PRMT3: variants seen among roughly 807,000 people sequenced by gnomAD.
PRMT3 encodes the protein protein arginine N-methyltransferase 3.
A neutral mutation model predicts 71.9 loss-of-function variants in PRMT3; 62 were observed. The ratio of observed to expected loss-of-function variants is 0.86; its 90% CI spans 0.70 to 1.07. The LOEUF is 1.07. PRMT3 is among the 50% of genes least tolerant of loss of function. PRMT3 has a pLI of 0.00. For synonymous variants in PRMT3, 213 were observed against 220.4 expected (o/e 0.97, Z 0.30); for missense variants, 663 against 643.0 (o/e 1.03, Z -0.34).
At chr11:20,410,584 G>A (rs1465766678) in intron 9 of PRMT3, among the ~76,000 whole-genome samples, 2 of 151,992 alleles carry the variant, frequency 1.3e-5, no homozygotes, top group Admixed American at 6.5e-5. Flanking sequence ...GATATTCACA[G>A]TAATTCTATC....
chr11:20,420,399 C>G (rs899308198), intron 9 of PRMT3, among the ~76,000 whole-genome samples: 27 of 152,098 alleles, frequency 1.8e-4, no homozygotes, highest in African/African-American at 6.3e-4. Context: ...ACAGGGGTCC[C>G]CAATCCCCAG....
chr11:20,494,281 A>G (rs751463630), intron 15 of PRMT3, 27 bp downstream of exon 15: 2 of 1,473,678 alleles, frequency 1.4e-6, no homozygotes, highest in Admixed American at 1.8e-5. Flanking sequence ...GGGGGGAAGT[A>G]TCTTATTCAT....
chr11:20,448,682 A>T (rs1190241633), intron 10 of PRMT3, among the ~76,000 whole-genome samples: 1 of 152,148 alleles, frequency 6.6e-6, no homozygotes, highest in African/African-American at 2.4e-5. Context: ...TTCATTTATC[A>T]CTAATGTATC....
At chr11:20,453,393 T>C (rs1258485075) in intron 11 of PRMT3, among the ~76,000 whole-genome samples, 2 of 150,714 alleles carry the variant, frequency 1.3e-5, no homozygotes, top group Non-Finnish European at 2.9e-5. Flanking sequence ...GACAGGAGAA[T>C]TGCTTGAACC....
rs1218892359 is a variant in PRMT3, at chr11:20,388,070, G to C, written c.80G>C (p.Ser27Thr). 6.2e-7 allele frequency: 1 copy of C among 1,613,972 alleles called. No homozygotes were observed. The highest frequency in any genetic ancestry group is 1.3e-5 in the African/African-American group (1 of 74,936). ...GAGGACCTGCCAGAACTGTCGGACA[G>C]CGGGGACGAGGCCGCCTGGGAGGAT... Reference protein sequence around the residue: ...NEEDLPELSDSGDEAAWEDED... With the variant: ...NEEDLPELSDTGDEAAWEDED... The change falls in exon 2 of 16, where the codon AGC becomes ACC. Residue 27 changes from serine to threonine, a missense_variant. Ser to Thr is a moderately conservative substitution (Grantham distance 58). Transcript: ENST00000331079.
At chr11:20,422,769 A>G (rs1849455939) in intron 9 of PRMT3, among the ~76,000 whole-genome samples, 1 of 152,236 alleles carries the variant, frequency 6.6e-6, no homozygotes, top group South Asian at 2.1e-4. Context: ...CATAGTTTCA[A>G]GTCAGACACA....
intron 15 of PRMT3, among the ~76,000 whole-genome samples, chr11:20,499,220 T>C (rs1216479054): frequency 6.6e-6 from 1 of 152,208 alleles, no homozygotes; most frequent in Non-Finnish European, 1.5e-5. Flanking sequence ...AGTATGTACA[T>C]TGTAAACCCT....
chr11:20,445,693 G>A (rs1245426401), intron 10 of PRMT3, among the ~76,000 whole-genome samples: 1 of 151,962 alleles, frequency 6.6e-6, no homozygotes, highest in Non-Finnish European at 1.5e-5. Context: ...GTACCCCAGA[G>A]GTAACCACTC....
At chr11:20,483,332 G>A (rs1482654056) in intron 13 of PRMT3, among the ~76,000 whole-genome samples, 1 of 151,948 alleles carries the variant, frequency 6.6e-6, no homozygotes, top group African/African-American at 2.4e-5. Flanking sequence ...GTTTACTTAC[G>A]ACTGATAGTA....
intron 8 of PRMT3, 138 bp from the exon 9 acceptor site, chr11:20,407,773 G>A (rs1430629412): frequency 1.2e-6 from 1 of 801,132 alleles, no homozygotes; most frequent in Non-Finnish European, 1.8e-6. Flanking sequence ...ACAGGCGTGA[G>A]CCACCGCGCC....
At chr11:20,447,128 G>T (rs1428751280) in intron 10 of PRMT3, among the ~76,000 whole-genome samples, 1 of 152,028 alleles carries the variant, frequency 6.6e-6, no homozygotes, top group Non-Finnish European at 1.5e-5. Context: ...AATAGAGATT[G>T]CATTGCATTC....
At chr11:20,474,509 T>G (rs1422055642) in intron 13 of PRMT3, among the ~76,000 whole-genome samples, 1 of 152,220 alleles carries the variant, frequency 6.6e-6, no homozygotes, top group African/African-American at 2.4e-5. Context: ...TGAGTCTCTG[T>G]GTATGCCCCA....
At chr11:20,418,449 C>T (rs959805080) in intron 9 of PRMT3, among the ~76,000 whole-genome samples, 24 of 151,840 alleles carry the variant, frequency 1.6e-4, no homozygotes, top group African/African-American at 5.8e-4. Flanking sequence ...GTCTTTTTTC[C>T]TGTGTTTTCC....
intron 13 of PRMT3, among the ~76,000 whole-genome samples, chr11:20,473,922 A>ATTGATGTTGT (rs1429019384): frequency 3.9e-5 from 6 of 151,920 alleles, no homozygotes; most frequent in Non-Finnish European, 7.4e-5. Flanking sequence ...CAGGTTTTTC[A>ATTGATGTTGT]TTGATGTTGT....
At chr11:20,416,811 C>T (rs1010861582) in intron 9 of PRMT3, among the ~76,000 whole-genome samples, 2 of 152,142 alleles carry the variant, frequency 1.3e-5, no homozygotes, top group Admixed American at 1.3e-4. Context: ...ATGCCCCATA[C>T]CTTCTTGGTA....
intron 9 of PRMT3, among the ~76,000 whole-genome samples, chr11:20,411,045 C>T (rs776425262): frequency 2.6e-5 from 4 of 152,070 alleles, no homozygotes; most frequent in Non-Finnish European, 4.4e-5. Flanking sequence ...AAAGTTAACT[C>T]AGCTAAGTAA....
intron 10 of PRMT3, among the ~76,000 whole-genome samples, chr11:20,446,413 A>G (rs766488712): frequency 4.6e-5 from 7 of 151,458 alleles, no homozygotes; most frequent in Non-Finnish European, 7.4e-5. Context: ...ACAAACGTGT[A>G]TATGTGTGTG....
chr11:20,493,250 A>T (rs968550649), intron 13 of PRMT3, among the ~76,000 whole-genome samples: 1 of 152,242 alleles, frequency 6.6e-6, no homozygotes, highest in East Asian at 1.9e-4. Flanking sequence ...TTTTCAGGAA[A>T]AAAAAAATAA....
intron 11 of PRMT3, among the ~76,000 whole-genome samples, chr11:20,455,113 G>C (rs1196972486): frequency 6.6e-6 from 1 of 152,040 alleles, no homozygotes; most frequent in South Asian, 2.1e-4. Context: ...CAAGAGATGA[G>C]GAGGAAAAAT....
Sources: allele counts gnomAD v4.1 joint callset (sites outside exome capture counted in the v4.1 genomes callset), GRCh38; gene constraint gnomAD v4.1.1; transcripts MANE v1.5; gene names NCBI Gene and HGNC (gene_info 2026-07-23, HGNC 2026-07-21).